Variants in MYO16 observed in about 807,000 individuals in gnomAD.
MYO16 encodes the protein myosin XVI.
A neutral mutation model predicts 205.3 loss-of-function variants in MYO16; 94 were observed. The observed-to-expected ratio is 0.46, with a 90% CI of 0.39 to 0.54. The LOEUF (loss-of-function observed/expected upper bound fraction) is 0.54, where lower values mean the gene tolerates loss of function less well. Among genes scored for constraint, MYO16 ranks in the 20% least tolerant of loss-of-function variants. The pLI is 0.00. For synonymous variants in MYO16, 988 were observed against 954.0 expected, an observed-to-expected ratio of 1.04 and a Z score of -0.66; for missense variants, 2,315 against 2,387.5, an observed-to-expected ratio of 0.97 and a Z score of 0.63.
intron 23 of MYO16, among the ~76,000 whole-genome samples, chr13:109,023,373 T>C (rs1464941819): frequency 3.2e-5 from 2 of 62,932 alleles, no homozygotes; most frequent in Admixed American, 3.0e-4. Context: ...AATATATATT[T>C]ATATATTATA....
At chr13:108,965,759 T>C (rs1883769492) in intron 20 of MYO16, among the ~76,000 whole-genome samples, 1 of 152,204 alleles carries the variant, frequency 6.6e-6, no homozygotes. Context: ...CTAAAAATTA[T>C]ATCTCTCCAT....
At chr13:108,827,578 A>G (rs1464587977) in intron 9 of MYO16, among the ~76,000 whole-genome samples, 1 of 152,146 alleles carries the variant, frequency 6.6e-6, no homozygotes, top group African/African-American at 2.4e-5. Context: ...CTGACTTTCA[A>G]GCTCATGTCT....
At chr13:108,553,367 A>G in the MYO16 span, among the ~76,000 whole-genome samples, 1 of 152,156 alleles carries the variant, frequency 6.6e-6, no homozygotes, top group Admixed American at 6.5e-5. Context: ...AGCAGCATCT[A>G]TCATCAGCCT....
chr13:108,964,700 G>T, intron 19 of MYO16, 61 bp from the exon 20 acceptor site: 1 of 1,557,680 alleles, frequency 6.4e-7, no homozygotes, highest in South Asian at 1.1e-5. Flanking sequence ...GTGGAGTTTT[G>T]GTTGGCTTCT....
chr13:108,993,224 A>AT (rs567900586), intron 21 of MYO16, among the ~76,000 whole-genome samples: 7 of 152,150 alleles, frequency 4.6e-5, no homozygotes, highest in Non-Finnish European at 1.0e-4. Flanking sequence ...AGGATAAACA[A>AT]TTAAATAGAA....
chr13:108,996,801 A>T (rs1050801240), intron 21 of MYO16, among the ~76,000 whole-genome samples: 5 of 152,254 alleles, frequency 3.3e-5, no homozygotes, highest in Non-Finnish European at 5.9e-5. Context: ...AAGTGTTACT[A>T]TAATAAATGA....
chr13:108,752,026 G>C (rs1404964076), intron 4 of MYO16, among the ~76,000 whole-genome samples: 2 of 152,156 alleles, frequency 1.3e-5, no homozygotes, highest in Non-Finnish European at 2.9e-5. Flanking sequence ...ATCTGTAGTA[G>C]TTCATTAATT....
At chr13:109,011,395 A>C (rs1426165432) in intron 22 of MYO16, among the ~76,000 whole-genome samples, 1 of 150,536 alleles carries the variant, frequency 6.6e-6, no homozygotes, top group Non-Finnish European at 1.5e-5. Context: ...ATTAGCTTTC[A>C]TTCCCTTTGG....
At chr13:109,136,078 T>TTTCC (rs556455371) in intron 31 of MYO16, among the ~76,000 whole-genome samples, 3,563 of 151,220 alleles carry the variant, frequency 0.024, 69 homozygotes, top group Non-Finnish European at 0.037. Context: ...TCCTTCCTTC[T>TTTCC]TTCCTTCCTT....
chr13:109,197,251 A>G (rs1438264486), intron 34 of MYO16, among the ~76,000 whole-genome samples: 1 of 152,198 alleles, frequency 6.6e-6, no homozygotes, highest in Non-Finnish European at 1.5e-5. Flanking sequence ...AGAGCTTTCT[A>G]GTGTTTGAAA....
intron 28 of MYO16, chr13:109,101,244 T>A (rs1020439550): frequency 1.6e-5 from 3 of 192,750 alleles, no homozygotes; most frequent in Admixed American, 5.3e-5. Flanking sequence ...TAAGGTTGAT[T>A]TCTTTGTGCA....
chr13:108,843,202 G>A (rs1877337144), intron 9 of MYO16, among the ~76,000 whole-genome samples: 1 of 151,652 alleles, frequency 6.6e-6, no homozygotes, highest in African/African-American at 2.4e-5. Context: ...AATTGTAGTT[G>A]CCTTTACAAA....
intron 10 of MYO16, among the ~76,000 whole-genome samples, chr13:108,849,243 T>C (rs1035981957): frequency 1.3e-5 from 2 of 152,090 alleles, no homozygotes; most frequent in Non-Finnish European, 2.9e-5. Flanking sequence ...CAGACTGGAG[T>C]ACAATGGTGC....
chr13:108,874,670 C>A (rs1879233000), intron 12 of MYO16, among the ~76,000 whole-genome samples: 1 of 150,084 alleles, frequency 6.7e-6, no homozygotes, highest in Admixed American at 6.7e-5. Flanking sequence ...AGTGCTGCGC[C>A]CAGAGGCAGA....
chr13:108,820,075 TAA>T (rs1425569614), intron 7 of MYO16, among the ~76,000 whole-genome samples: 1 of 152,238 alleles, frequency 6.6e-6, no homozygotes, highest in Non-Finnish European at 1.5e-5. Flanking sequence ...CTGAAAGTTA[TAA>T]AGTGTCCTTT....
chr13:108,934,620 A>T (rs1577934), intron 16 of MYO16, among the ~76,000 whole-genome samples: 3 of 151,868 alleles, frequency 2.0e-5, no homozygotes, highest in Admixed American at 2.0e-4. Context: ...TCACTTGTCA[A>T]TTTTTGTTTT....
At chr13:109,130,047 C>G (rs1276058026) in intron 31 of MYO16, among the ~76,000 whole-genome samples, 1 of 149,906 alleles carries the variant, frequency 6.7e-6, no homozygotes, top group African/African-American at 2.4e-5. Context: ...TACACACACA[C>G]ACACACATAT....
chr13:108,517,915 G>A, the MYO16 span, among the ~76,000 whole-genome samples: 3 of 152,164 alleles, frequency 2.0e-5, no homozygotes, highest in East Asian at 5.8e-4. Flanking sequence ...TGGTACAAGG[G>A]GCAAGGGAAC....
At chr13:108,568,417 T>A in the MYO16 span, among the ~76,000 whole-genome samples, 1 of 152,126 alleles carries the variant, frequency 6.6e-6, no homozygotes, top group African/African-American at 2.4e-5. Flanking sequence ...CTCATTGTGG[T>A]TGTACTTCAC....
Sources: allele counts gnomAD v4.1 joint callset (sites outside exome capture counted in the v4.1 genomes callset), GRCh38; gene constraint gnomAD v4.1.1; transcripts MANE v1.5; gene names NCBI Gene and HGNC (gene_info 2026-07-23, HGNC 2026-07-21).